The following PTPRN2 variants were observed in gnomAD, a reference collection of about 807,000 sequenced individuals.
PTPRN2 encodes protein tyrosine phosphatase receptor type N2, also known as receptor-type tyrosine-protein phosphatase N2.
PTPRN2 carries 74 observed loss-of-function variants against 118.8 expected under a neutral mutation model. That is an observed-to-expected ratio of 0.62 (90% CI 0.52 to 0.76). The LOEUF (loss-of-function observed/expected upper bound fraction) is 0.76. Among genes scored for constraint, PTPRN2 ranks in the 30% least tolerant of loss-of-function variants. PTPRN2 has a pLI of 0.00. For synonymous variants in PTPRN2, 641 were observed against 608.0 expected (o/e 1.05, Z -0.80); for missense variants, 1,481 against 1,394.4 (o/e 1.06, Z -0.99).
intron 11 of PTPRN2, among the ~76,000 whole-genome samples, chr7:157,960,066 A>G (rs1338289485): frequency 6.7e-6 from 1 of 149,810 alleles, no homozygotes; most frequent in Non-Finnish European, 1.5e-5. Context: ...GTTAAGGGAA[A>G]TGAGTTGTAT....
At chr7:157,741,122 C>T (rs1198979772) in intron 12 of PTPRN2, among the ~76,000 whole-genome samples, 1 of 152,218 alleles carries the variant, frequency 6.6e-6, no homozygotes, top group Non-Finnish European at 1.5e-5. Flanking sequence ...CCACCCCACG[C>T]CTCCTTCCAC....
intron 11 of PTPRN2, among the ~76,000 whole-genome samples, chr7:157,920,660 A>G (rs2128769372): frequency 6.6e-6 from 1 of 152,356 alleles, no homozygotes; most frequent in East Asian, 1.9e-4. Flanking sequence ...CAAAGCAGCA[A>G]GGGAACTCAA....
At chr7:157,724,867 T>G (rs915015928) in intron 12 of PTPRN2, among the ~76,000 whole-genome samples, 2 of 152,226 alleles carry the variant, frequency 1.3e-5, no homozygotes, top group African/African-American at 4.8e-5. Flanking sequence ...GAATCATGCT[T>G]CTTCTTACAT....
intron 11 of PTPRN2, among the ~76,000 whole-genome samples, chr7:158,044,934 C>G (rs1252474639): frequency 6.6e-6 from 1 of 152,212 alleles, no homozygotes; most frequent in Non-Finnish European, 1.5e-5. Context: ...CAGTGAAGGG[C>G]AGCCCCAAAC....
rs1372194446 is a variant in PTPRN2, at chr7:157,833,683, G to A, written c.1788+64990C>T. Among the ~76,000 whole-genome samples the A allele has an allele frequency of 3.3e-5, 5 of 152,208 alleles. No homozygotes were observed. The East Asian group carries it at 9.6e-4, about 29-fold the overall frequency. ...ATAGTTCCGGGAGCAGCTCTCCTGG[G>A]TTTTAGGAAATTGGGGAGGGTGTGG... is the stretch of plus-strand genomic sequence containing the variant. On this transcript the variant is annotated intron_variant, in intron 12 of 22. Transcript: ENST00000389418.
chr7:158,569,478 G>A (rs1240726788), intron 1 of PTPRN2, among the ~76,000 whole-genome samples: 3 of 152,250 alleles, frequency 2.0e-5, no homozygotes, highest in Non-Finnish European at 4.4e-5. Flanking sequence ...GGAAGGCTAG[G>A]AGCTCGCGCA....
At chr7:158,329,079 G>A (rs1803905957) in intron 2 of PTPRN2, among the ~76,000 whole-genome samples, 1 of 152,226 alleles carries the variant, frequency 6.6e-6, no homozygotes, top group Admixed American at 6.5e-5. Context: ...GTGAGGCCTG[G>A]GATGGCAAAT....
intron 12 of PTPRN2, among the ~76,000 whole-genome samples, chr7:157,683,851 A>G (rs955643659): frequency 6.6e-6 from 1 of 152,120 alleles, no homozygotes; most frequent in African/African-American, 2.4e-5. Context: ...CGCCCTGCAC[A>G]ATGACTCGGG....
Position 157,784,869 on chromosome 7 carries a change from A to T in PTPRN2, c.1789-101932T>A, listed in dbSNP as rs1179769344. Among the ~76,000 whole-genome samples the T allele has an allele frequency of 6.6e-6, 1 of 152,018 alleles. No individual in the cohort carries two copies. Among genetic ancestry groups the T allele is most frequent in the Non-Finnish European group, 1.5e-5 (1 of 67,984 alleles). On this transcript the variant is annotated intron_variant, in intron 12 of 22. Coordinates refer to ENST00000389418, the MANE Select transcript of PTPRN2 (RefSeq NM_002847.5). This position sits in a 1 kb window ranked among gnomAD's most constrained non-coding sequence, Gnocchi z 4.6. The stretch of plus-strand genomic sequence containing the variant: ...GGCCTGGACAAGTAATAAGGTCAAG[A>T]TATTTTTGGACTTGTTCAAATGGGT...
rs60612438 is a variant in PTPRN2, at chr7:157,637,511, A to T, written c.2197-16002T>A. Among the ~76,000 whole-genome samples the T allele has an allele frequency of 3.3e-3, 499 of 152,270 alleles. 4 individuals carry two copies. Among genetic ancestry groups the T allele is most frequent in the African/African-American group, 0.011 (466 of 41,556 alleles). ...AAGATCCCTTCAAAAGCCGTTTCGT[A>T]TCACGATTTCTATGCTTTGTGTGGC... On this transcript the variant is annotated intron_variant, in intron 14 of 22. Transcript: ENST00000389418.
intron 2 of PTPRN2, among the ~76,000 whole-genome samples, chr7:158,478,704 G>A (rs1473754128): frequency 6.6e-6 from 1 of 152,078 alleles, no homozygotes; most frequent in African/African-American, 2.4e-5. Flanking sequence ...TGACTGTGGG[G>A]GGCAGACGAG....
In PTPRN2 at chr7:158,525,960, C is replaced by G. The variant is rs113725570; in HGVS notation, c.113-36175G>C. Among the ~76,000 whole-genome samples the G allele has an allele frequency of 1.6e-3, 250 of 152,312 alleles. No individual in the cohort carries two copies. The highest frequency in any genetic ancestry group is 5.9e-3 in the African/African-American group (244 of 41,574). The stretch of plus-strand genomic sequence containing the variant: ...GCCTTAGGGTCTCAACATCCCAAGC[C>G]GACAATGCCCCCCCATTGACTCGGC... On this transcript the variant is annotated intron_variant, in intron 1 of 22. Coordinates refer to ENST00000389418, the MANE Select transcript of PTPRN2 (RefSeq NM_002847.5). The surrounding 1 kb of genome is among the most constrained non-coding windows in gnomAD (Gnocchi z 4.1).
Position 157,609,208 on chromosome 7 carries a change from C to A in PTPRN2, c.2345-5133G>T, listed in dbSNP as rs1290800458. ...GACCAGTCTGGCCAAAGTGGCAAAA[C>A]CACGTCTCTACTAAAAATACAAAAA... On this transcript the variant is annotated intron_variant, in intron 15 of 22. Coordinates refer to ENST00000389418, the MANE Select transcript of PTPRN2 (RefSeq NM_002847.5). The surrounding 1 kb of genome is among the most constrained non-coding windows in gnomAD (Gnocchi z 4.9). Among the ~76,000 whole-genome samples the A allele has an allele frequency of 2.0e-5, 3 of 152,118 alleles. No individual in the cohort carries two copies. The highest frequency in any genetic ancestry group is 1.3e-4 in the Admixed American group (2 of 15,282).
intron 2 of PTPRN2, among the ~76,000 whole-genome samples, chr7:158,388,318 A>G (rs1811663166): frequency 6.6e-6 from 1 of 151,808 alleles, no homozygotes. Flanking sequence ...GTCCCGCAAG[A>G]CCACCCCCCC....
chr7:158,223,927 C>CA (rs1260399587), intron 3 of PTPRN2, among the ~76,000 whole-genome samples: 3 of 152,210 alleles, frequency 2.0e-5, no homozygotes, highest in East Asian at 1.9e-4. Flanking sequence ...AAGGACTCTA[C>CA]AAAAAATATA....
At chr7:157,628,801 C>A (rs367546944) in intron 14 of PTPRN2, among the ~76,000 whole-genome samples, 1 of 152,204 alleles carries the variant, frequency 6.6e-6, no homozygotes, top group East Asian at 1.9e-4. Context: ...GAGTTCCCTC[C>A]CACGCTCTGT....
rs898966259 is a variant in PTPRN2 at position 157,609,800 on chromosome 7, G to A, written c.2345-5725C>T. ...CGCAGGTCAGCCAAGCTGGCAAAGC[G>A]TGTTCTTGCTGCCCCGTGGTGGCAG... On this transcript the variant is annotated intron_variant, in intron 15 of 22. Coordinates refer to ENST00000389418, the MANE Select transcript of PTPRN2 (RefSeq NM_002847.5). The surrounding 1 kb of genome is among the most constrained non-coding windows in gnomAD (Gnocchi z 4.9). Among the ~76,000 whole-genome samples the A allele has an allele frequency of 2.0e-5, 3 of 152,222 alleles. No individual in the cohort carries two copies. Among genetic ancestry groups the A allele is most frequent in the Non-Finnish European group, 2.9e-5 (2 of 68,040 alleles).
At chr7:157,840,289 GTGTGAC>G (rs1808306874) in intron 12 of PTPRN2, among the ~76,000 whole-genome samples, 1 of 136,400 alleles carries the variant, frequency 7.3e-6, no homozygotes, top group Admixed American at 7.2e-5. Context: ...CTGTGTGACC[GTGTGAC>G]TGTGTGACTG....
At chr7:158,277,790 G>A (rs1799124297) in intron 3 of PTPRN2, among the ~76,000 whole-genome samples, 1 of 152,212 alleles carries the variant, frequency 6.6e-6, no homozygotes, top group South Asian at 2.1e-4. Context: ...AGCAGCCCAG[G>A]GCAGCTACAG....
Sources: allele counts gnomAD v4.1 joint callset (sites outside exome capture counted in the v4.1 genomes callset), GRCh38; gene constraint gnomAD v4.1.1; non-coding constraint Gnocchi (gnomAD v3.1); transcripts MANE v1.5; gene names NCBI Gene and HGNC (gene_info 2026-07-23, HGNC 2026-07-21).